Variants in PCDH9 observed in about 807,000 individuals in gnomAD.
PCDH9 encodes the protein protocadherin 9.
Under a neutral mutation model 70.6 loss-of-function variants are expected in PCDH9, and 24 were observed. That is an observed-to-expected ratio of 0.34 (90% CI 0.25 to 0.48). The LOEUF is 0.48. PCDH9 is among the 20% of genes least tolerant of loss of function. The pLI is 0.99. For synonymous variants in PCDH9, 562 were observed against 558.5 expected (o/e 1.01, Z -0.09); for missense variants, 1,281 against 1,503.6 (o/e 0.85, Z 2.45).
chr13:66,510,832 C>T (rs1959437403), intron 4 of PCDH9, among the ~76,000 whole-genome samples: 1 of 152,128 alleles, frequency 6.6e-6, no homozygotes, highest in African/African-American at 2.4e-5. Flanking sequence ...GTGTGCTAAA[C>T]ATCTTTTCAT....
intron 3 of PCDH9, among the ~76,000 whole-genome samples, chr13:66,846,552 T>G (rs2081213866): frequency 6.6e-6 from 1 of 152,182 alleles, no homozygotes. Flanking sequence ...ATTGTTTGTC[T>G]TGTGAGAGTT....
At chr13:66,812,052 T>C (rs1012468871) in intron 3 of PCDH9, among the ~76,000 whole-genome samples, 6 of 152,052 alleles carry the variant, frequency 3.9e-5, no homozygotes, top group Non-Finnish European at 7.4e-5. Flanking sequence ...AAATTTGTAG[T>C]CTTTTATACC....
chr13:66,839,324 C>T (rs2081076428), intron 3 of PCDH9, among the ~76,000 whole-genome samples: 1 of 152,094 alleles, frequency 6.6e-6, no homozygotes, highest in Non-Finnish European at 1.5e-5. Flanking sequence ...TATGATGTCC[C>T]AATTTTAAAA....
intron 2 of PCDH9, among the ~76,000 whole-genome samples, chr13:67,142,089 C>T (rs2087407115): frequency 6.6e-6 from 1 of 152,014 alleles, no homozygotes; most frequent in South Asian, 2.1e-4. Context: ...AAATAATTTT[C>T]CTGATATGAG....
At chr13:67,220,222 A>G (rs539629754) in intron 2 of PCDH9, 1 of 151,624 alleles carries the variant, frequency 6.6e-6, no homozygotes, top group East Asian at 1.9e-4. Flanking sequence ...AGAAAACAAA[A>G]TGATTTAAAG....
At chr13:67,221,101 T>G (rs984007342) in intron 2 of PCDH9, 1 of 152,070 alleles carries the variant, frequency 6.6e-6, no homozygotes, top group Non-Finnish European at 1.5e-5. Context: ...TAAAAACAAT[T>G]TGCATTTGGG....
intron 2 of PCDH9, among the ~76,000 whole-genome samples, chr13:66,951,186 T>C (rs1454272833): frequency 6.6e-6 from 1 of 152,162 alleles, no homozygotes; most frequent in African/African-American, 2.4e-5. Flanking sequence ...CATTTATTTC[T>C]CTCTTTTTTT....
At chr13:67,045,003 A>G (rs1354355137) in intron 2 of PCDH9, among the ~76,000 whole-genome samples, 1 of 152,174 alleles carries the variant, frequency 6.6e-6, no homozygotes, top group African/African-American at 2.4e-5. Context: ...ACAGAAATGG[A>G]GCAAAGAAAT....
intron 3 of PCDH9, among the ~76,000 whole-genome samples, chr13:66,874,224 C>A (rs531139451): frequency 5.9e-5 from 9 of 152,188 alleles, no homozygotes; most frequent in Admixed American, 4.6e-4. Context: ...TCTAAACTTG[C>A]TGGATTATAA....
intron 4 of PCDH9, among the ~76,000 whole-genome samples, chr13:66,593,937 GT>G (rs59279006): frequency 0.75 from 112,628 of 151,156 alleles, 43,400 homozygotes; most frequent in East Asian, 0.91. Context: ...TATATATAAA[GT>G]TTTTTTATAG....
intron 4 of PCDH9, among the ~76,000 whole-genome samples, chr13:66,562,735 G>T (rs1343976862): frequency 6.6e-6 from 1 of 152,128 alleles, no homozygotes; most frequent in Admixed American, 6.6e-5. Flanking sequence ...ACAGCCAAAT[G>T]GTATCAATGC....
At chr13:66,767,889 CAG>C (rs1046778624) in intron 3 of PCDH9, among the ~76,000 whole-genome samples, 3 of 152,030 alleles carry the variant, frequency 2.0e-5, no homozygotes, top group Admixed American at 2.0e-4. Context: ...GCTGAAACTG[CAG>C]AGACTCATAA....
chr13:66,390,531 T>C (rs1012269555), intron 4 of PCDH9, among the ~76,000 whole-genome samples: 6 of 151,642 alleles, frequency 4.0e-5, no homozygotes, highest in Non-Finnish European at 8.8e-5. Context: ...AGGTCAGGAG[T>C]TCGAGACAAG....
chr13:67,018,990 T>G lies in PCDH9; in HGVS notation c.3037-115385A>C, dbSNP rs2084620061. On this transcript the variant is annotated intron_variant, in intron 2 of 4. Transcript: ENST00000377865. ...CTGCCCTAGTTGCTTCTCACTGTTC[T>G]CTCAAGCAGAACTAAGATAATTGCA... Among the ~76,000 whole-genome samples, 3 of 152,126 alleles carry G rather than the reference T, an allele frequency of 2.0e-5. 1 individual carries two copies. The South Asian group carries it at 6.2e-4, about 32-fold the overall frequency.
chr13:66,992,892 C>T (rs1273692620), intron 2 of PCDH9, among the ~76,000 whole-genome samples: 1 of 131,208 alleles, frequency 7.6e-6, no homozygotes, highest in African/African-American at 2.7e-5. Flanking sequence ...TCACTTCAAG[C>T]TCTGACTCCT....
chr13:66,762,213 C>T (rs1415255193), intron 3 of PCDH9, among the ~76,000 whole-genome samples: 4 of 152,176 alleles, frequency 2.6e-5, no homozygotes, highest in Middle Eastern at 3.4e-3. Context: ...ATCTTCAGCC[C>T]ATGGCTGCTA....
chr13:66,507,011 T>C (rs1220154763), intron 4 of PCDH9, among the ~76,000 whole-genome samples: 1 of 152,230 alleles, frequency 6.6e-6, no homozygotes, highest in Non-Finnish European at 1.5e-5. Flanking sequence ...ATATTTTTAT[T>C]GTTATGATGG....
At chr13:66,366,216 T>C (rs113368451) in intron 4 of PCDH9, among the ~76,000 whole-genome samples, 1 of 152,170 alleles carries the variant, frequency 6.6e-6, no homozygotes, top group African/African-American at 2.4e-5. Context: ...TTTTTAAAAA[T>C]CTTTTTCTCA....
At chr13:66,875,104 C>T (rs1045340485) in intron 3 of PCDH9, among the ~76,000 whole-genome samples, 2 of 151,988 alleles carry the variant, frequency 1.3e-5, no homozygotes, top group African/African-American at 4.8e-5. Flanking sequence ...TCTATTGTAC[C>T]ACCTACAGGG....
Sources: allele counts gnomAD v4.1 joint callset (sites outside exome capture counted in the v4.1 genomes callset), GRCh38; gene constraint gnomAD v4.1.1; transcripts MANE v1.5; gene names NCBI Gene and HGNC (gene_info 2026-07-23, HGNC 2026-07-21).